HOXC13: variants seen among roughly 807,000 people sequenced by gnomAD.
HOXC13 encodes the protein homeobox protein Hox-C13.
In HOXC13, 10 loss-of-function variants were observed where a neutral mutation model predicts 25.9. That is an observed-to-expected ratio of 0.39 (90% CI 0.24 to 0.65). The LOEUF is 0.65. Among genes scored for constraint, HOXC13 ranks in the 30% least tolerant of loss-of-function variants. The probability of loss-of-function intolerance (pLI) is 0.50; values close to 1 mark genes in which losing one functional copy is unlikely to be tolerated. For missense variants in HOXC13, 439 were observed against 478.3 expected, an observed-to-expected ratio of 0.92 and a Z score of 0.77; for synonymous variants, 233 against 217.1, an observed-to-expected ratio of 1.07 and a Z score of -0.64.
In HOXC13 at chr12:53,939,202, C is replaced by G. The variant is rs1188185328; in HGVS notation, c.296C>G (p.Pro99Arg). The part of the protein sequence containing the change: ...QGAVYTDIPA[P>R]EAARQCAPPP... ...GCCGTCTATACGGACATCCCGGCCC[C>G]GGAGGCGGCGCGCCAGTGTGCCCCG... Residue 99 changes from proline (P) to arginine (R), a missense_variant, in exon 1 of 2, where the codon CCG becomes CGG. Pro to Arg is a moderately radical substitution (Grantham distance 103). Transcript: ENST00000243056. This position sits in a 1 kb window ranked among gnomAD's most constrained non-coding sequence, Gnocchi z 6.7. 2.0e-6 allele frequency: 3 copies of G among 1,529,552 alleles called. No homozygotes were observed. Among genetic ancestry groups the G allele is most frequent in the Middle Eastern group, 1.7e-4 (1 of 5,796 alleles). The allele number at this position is 1,529,552 out of a possible 1,614,324, so 94.7% of individuals were successfully genotyped here. A position where few individuals can be genotyped will look rare whatever the true frequency, so the allele number is the denominator to read the frequency against.
rs756707434 is a variant in HOXC13 at position 53,945,266 on chromosome 12, C to T, written c.*10C>T. 6.2e-7 allele frequency: 1 copy of T among 1,613,452 alleles called. No homozygotes were observed. The highest frequency in any genetic ancestry group is 8.5e-7 in the Non-Finnish European group (1 of 1,179,654). On this transcript the variant is annotated 3_prime_UTR_variant, in exon 2 of 2. Coordinates refer to ENST00000243056, the MANE Select transcript of HOXC13 (RefSeq NM_017410.3). This position sits in a 1 kb window ranked among gnomAD's most constrained non-coding sequence, Gnocchi z 4.4. Reference sequence around the variant, plus strand: ...TCTCCACTCCACCTGACCACCCACCCGCTGCTTGCCCCATCTATTTATGTC... The same window carrying T: ...TCTCCACTCCACCTGACCACCCACCTGCTGCTTGCCCCATCTATTTATGTC...
In HOXC13 at chr12:53,945,054, G is replaced by C; in HGVS notation, c.791G>C (p.Arg264Pro). The C allele has an allele frequency of 6.2e-7, 1 of 1,614,054 alleles. No individual in the cohort carries two copies. Among genetic ancestry groups the C allele is most frequent in the Non-Finnish European group, 8.5e-7 (1 of 1,179,992 alleles). ...VSSYRRGRKKRVPYTKVQLKE... is the reference protein window; with the variant it reads ...VSSYRRGRKKPVPYTKVQLKE... ...AGCTACCGGCGCGGGCGCAAGAAAC[G>C]CGTGCCCTACACTAAGGTGCAGCTG... Residue 264 changes from arginine to proline, a missense_variant, in exon 2 of 2, where the codon CGC becomes CCC. Arg to Pro is a moderately radical substitution (Grantham distance 103). Transcript: ENST00000243056. The surrounding 1 kb of genome is among the most constrained non-coding windows in gnomAD (Gnocchi z 4.4).
chr12:53,943,759 T>C (rs1249967456), intron 1 of HOXC13, among the ~76,000 whole-genome samples: 2 of 152,262 alleles, frequency 1.3e-5, no homozygotes, highest in East Asian at 1.9e-4. Flanking sequence ...GAACTTTGTG[T>C]CTTCCCTCTG....
At chr12:53,942,687 T>G (rs1331059289) in intron 1 of HOXC13, among the ~76,000 whole-genome samples, 2 of 152,162 alleles carry the variant, frequency 1.3e-5, no homozygotes, top group East Asian at 3.9e-4. Context: ...CTACATACCA[T>G]TTCCTTTCCA....
intron 1 of HOXC13, among the ~76,000 whole-genome samples, chr12:53,941,760 C>G (rs1019315608): frequency 6.6e-6 from 1 of 152,154 alleles, no homozygotes; most frequent in Non-Finnish European, 1.5e-5. Flanking sequence ...CCACAATCCC[C>G]GTGTGGAAAT....
At chr12:53,944,384 G>T (rs974793022) in intron 1 of HOXC13, among the ~76,000 whole-genome samples, 7 of 152,164 alleles carry the variant, frequency 4.6e-5, no homozygotes, top group African/African-American at 1.7e-4. Context: ...AAGGCGTGAA[G>T]ACTCATCTGG....
At chr12:53,944,370 T>C (rs1314065447) in intron 1 of HOXC13, among the ~76,000 whole-genome samples, 1 of 152,128 alleles carries the variant, frequency 6.6e-6, no homozygotes, top group Non-Finnish European at 1.5e-5. Context: ...AGGGCCAGTG[T>C]CCAAAGGCGT....
rs536173077 is a variant in HOXC13, at chr12:53,939,195, CCGGCCCCGGAGG to C, written c.294_305del (p.Pro99_Ala102del). On this transcript the variant is annotated inframe_deletion, in exon 1 of 2. Transcript: ENST00000243056. The surrounding 1 kb of genome is among the most constrained non-coding windows in gnomAD (Gnocchi z 6.7). ...TCAGGGCGCCGTCTATACGGACATC[CCGGCCCCGGAGG>C]CGGCGCGCCAGTGTGCCCCGCCGCC... The C allele has an allele frequency of 3.9e-6, 6 of 1,526,676 alleles. No individual in the cohort carries two copies. The South Asian group carries it at 7.3e-5, about 19-fold the overall frequency. 94.6% of individuals were successfully genotyped at this position (1,526,676 alleles called of 1,614,324 possible). A position where few individuals can be genotyped will look rare whatever the true frequency, so the allele number is the denominator to read the frequency against.
At chr12:53,940,390 A>AT (rs1395014409) in intron 1 of HOXC13, among the ~76,000 whole-genome samples, 1 of 152,184 alleles carries the variant, frequency 6.6e-6, no homozygotes, top group Non-Finnish European at 1.5e-5. Context: ...AGAGTTAGTT[A>AT]TTGGTGCCCC....
At chr12:53,942,828 A>G (rs888170368) in intron 1 of HOXC13, among the ~76,000 whole-genome samples, 3 of 152,234 alleles carry the variant, frequency 2.0e-5, no homozygotes, top group East Asian at 1.9e-4. Flanking sequence ...TTGGCATCCT[A>G]TAGAGAAAAA....
At chr12:53,941,766 GA>G (rs1400059185) in intron 1 of HOXC13, among the ~76,000 whole-genome samples, 1 of 152,218 alleles carries the variant, frequency 6.6e-6, no homozygotes. Context: ...TCCCCGTGTG[GA>G]AATAGAATTG....
chr12:53,939,380 C>T lies in HOXC13; in HGVS notation c.474C>T (p.Gly158=). ...GCGATAAATACCCGGAGCCGTCGGG[C>T]GCCCTGCCCGGTGACGACCTGTCCT... ...HPGDKYPEPS[G]ALPGDDLSSR... is the part of the protein sequence containing the mutation. Residue 158 remains glycine (G), a synonymous_variant, in exon 1 of 2, where the codon GGC becomes GGT. Coordinates refer to ENST00000243056, the MANE Select transcript of HOXC13 (RefSeq NM_017410.3). This position sits in a 1 kb window ranked among gnomAD's most constrained non-coding sequence, Gnocchi z 6.7. The T allele has an allele frequency of 3.1e-6, 5 of 1,606,006 alleles. No homozygotes were observed. Among genetic ancestry groups the T allele is most frequent in the Non-Finnish European group, 4.2e-6 (5 of 1,177,838 alleles).
Position 53,939,274 on chromosome 12 carries a change from A to G in HOXC13, c.368A>G (p.Tyr123Cys), listed in dbSNP as rs1334695874. The change falls in exon 1 of 2, where the codon TAC (tyrosine) becomes TGC (cysteine). Residue 123 changes from tyrosine (Y) to cysteine (C), a missense_variant. Tyr to Cys is a radical substitution (Grantham distance 194, BLOSUM62 -2). Transcript: ENST00000243056. This position sits in a 1 kb window ranked among gnomAD's most constrained non-coding sequence, Gnocchi z 6.7. ...TSSSATLGYG[Y>C]PFGGSYYGCR... is the part of the protein sequence containing the mutation. Reference sequence around the variant, plus strand: ...TCCAGCGCCACCCTGGGCTACGGCTACCCCTTCGGGGGCAGCTACTACGGC... The same window carrying G: ...TCCAGCGCCACCCTGGGCTACGGCTGCCCCTTCGGGGGCAGCTACTACGGC... 1 of 1,561,974 alleles carries G rather than the reference A, an allele frequency of 6.4e-7. No homozygotes were observed. Among genetic ancestry groups the G allele is most frequent in the Non-Finnish European group, 8.7e-7 (1 of 1,154,858 alleles).
chr12:53,938,993 C>A lies in HOXC13; in HGVS notation c.87C>A (p.Gly29=). Residue 29 remains glycine, a synonymous_variant, in exon 1 of 2, where the codon GGC becomes GGA. Transcript: ENST00000243056. ...YEDSAAESGI[G]GGGGGGGGGT... is the part of the protein sequence containing the mutation. ...ACAGCGCGGCGGAGAGCGGCATCGG[C>A]GGCGGCGGCGGAGGAGGAGGCGGCG... 6.7e-7 allele frequency: 1 copy of A among 1,499,136 alleles called. No homozygotes were observed. The highest frequency in any genetic ancestry group is 1.2e-5 in the South Asian group (1 of 80,506). The allele number at this position is 1,499,136 out of a possible 1,614,324, so 92.9% of individuals were successfully genotyped here.
At chr12:53,942,372 G>A (rs1231057764) in intron 1 of HOXC13, among the ~76,000 whole-genome samples, 3 of 128,000 alleles carry the variant, frequency 2.3e-5, no homozygotes, top group Non-Finnish European at 4.8e-5. Context: ...TTTCTAGCTG[G>A]ACAAGGCACT....
Position 53,939,260 on chromosome 12 carries a change from C to T in HOXC13, c.354C>T (p.Thr118=), listed in dbSNP as rs1801185967. Residue 118 remains threonine, a synonymous_variant, in exon 1 of 2, where the codon ACC becomes ACT. Coordinates refer to ENST00000243056, the MANE Select transcript of HOXC13 (RefSeq NM_017410.3). The surrounding 1 kb of genome is among the most constrained non-coding windows in gnomAD (Gnocchi z 6.7). ...PPAPPTSSSA[T]LGYGYPFGGS... is the part of the protein sequence containing the mutation. Reference sequence around the variant, plus strand: ...CACCCCCCACCTCGTCCAGCGCCACCCTGGGCTACGGCTACCCCTTCGGGG... The same window carrying T: ...CACCCCCCACCTCGTCCAGCGCCACTCTGGGCTACGGCTACCCCTTCGGGG... 7.7e-6 allele frequency: 12 copies of T among 1,553,906 alleles called. No homozygotes were observed. The highest frequency in any genetic ancestry group is 2.4e-5 in the East Asian group (1 of 41,436).
rs199770484 is a variant in HOXC13 at position 53,939,615 on chromosome 12, G to T, written c.709G>T (p.Ala237Ser). Residue 237 changes from alanine (A) to serine (S), a missense_variant, in exon 1 of 2, where the codon GCC becomes TCC. By Grantham distance (99) the Ala-to-Ser change is moderately conservative. Transcript: ENST00000243056. The surrounding 1 kb of genome is among the most constrained non-coding windows in gnomAD (Gnocchi z 6.7). Reference protein sequence around the residue: ...VYCSKEQSQSAHLWKSPFPDV... With the variant: ...VYCSKEQSQSSHLWKSPFPDV... ...CTGCTCCAAGGAGCAGTCGCAGTCC[G>T]CCCACCTCTGGAAGTCTCCCTTCCC... 3 of 1,520,892 alleles carry T rather than the reference G, an allele frequency of 2.0e-6. No homozygotes were observed. Among genetic ancestry groups the T allele is most frequent in the African/African-American group, 2.8e-5 (2 of 70,898 alleles). 94.2% of individuals were successfully genotyped at this position (1,520,892 alleles called of 1,614,324 possible).
chr12:53,945,338 G>A lies in HOXC13; in HGVS notation c.*82G>A. 5 of 1,502,736 alleles carry A rather than the reference G, an allele frequency of 3.3e-6. No homozygotes were observed. Among genetic ancestry groups the A allele is most frequent in the Non-Finnish European group, 3.7e-6 (4 of 1,094,236 alleles). 93.1% of individuals were successfully genotyped at this position (1,502,736 alleles called of 1,614,324 possible). A position where few individuals can be genotyped will look rare whatever the true frequency, so the allele number is the denominator to read the frequency against. ...ACCCACGGAAAGACGCTGCGCGGGT[G>A]CAGAAGAGTATTTAATGTTAAGGAA... is the stretch of plus-strand genomic sequence containing the variant. On this transcript the variant is annotated 3_prime_UTR_variant, in exon 2 of 2. Transcript: ENST00000243056. This position sits in a 1 kb window ranked among gnomAD's most constrained non-coding sequence, Gnocchi z 4.4.
Position 53,945,009 on chromosome 12 carries a change from C to G in HOXC13, c.746C>G (p.Pro249Arg), listed in dbSNP as rs773536606. The G allele has an allele frequency of 3.1e-6, 5 of 1,613,626 alleles. No individual in the cohort carries two copies. Among genetic ancestry groups the G allele is most frequent in the African/African-American group, 1.3e-5 (1 of 74,918 alleles). ...CCTTATCTCCCCGCAGACGTGGTTCCCCTGCAGCCCGAGGTGAGCAGCTAC... is the reference window on the plus strand; with the variant it reads ...CCTTATCTCCCCGCAGACGTGGTTCGCCTGCAGCCCGAGGTGAGCAGCTAC... ...LWKSPFPDVVPLQPEVSSYRR... is the reference protein window; with the variant it reads ...LWKSPFPDVVRLQPEVSSYRR... The change falls in exon 2 of 2, where the codon CCC becomes CGC. Residue 249 changes from proline to arginine, a missense_variant. Pro to Arg is a moderately radical substitution (Grantham distance 103). Transcript: ENST00000243056. This position sits in a 1 kb window ranked among gnomAD's most constrained non-coding sequence, Gnocchi z 4.4.
Sources: allele counts gnomAD v4.1 joint callset (sites outside exome capture counted in the v4.1 genomes callset), GRCh38; gene constraint gnomAD v4.1.1; non-coding constraint Gnocchi (gnomAD v3.1); transcripts MANE v1.5; gene names NCBI Gene and HGNC (gene_info 2026-07-23, HGNC 2026-07-21).